The following SPMIP2 variants were observed in gnomAD, a reference collection of about 807,000 sequenced individuals.
SPMIP2 encodes the protein protein SPMIP2.
chr4:158,936,266 A>T, the SPMIP2 span, among the ~76,000 whole-genome samples: 1 of 152,226 alleles, frequency 6.6e-6, no homozygotes, highest in African/African-American at 2.4e-5. Flanking sequence ...AGTTCCAGGG[A>T]GTCAGTCTAG....
chr4:158,913,759 G>A, the SPMIP2 span, among the ~76,000 whole-genome samples: 2 of 151,806 alleles, frequency 1.3e-5, no homozygotes, highest in Admixed American at 6.6e-5. Flanking sequence ...TTTGAACCCA[G>A]GAGTTCAAGG....
chr4:158,968,123 G>A, the SPMIP2 span, among the ~76,000 whole-genome samples: 5 of 152,092 alleles, frequency 3.3e-5, no homozygotes, highest in African/African-American at 9.7e-5. Flanking sequence ...TCCACTTCCC[G>A]GGTTCAAGCA....
the SPMIP2 span, among the ~76,000 whole-genome samples, chr4:158,974,824 A>C: frequency 6.6e-6 from 1 of 152,324 alleles, no homozygotes; most frequent in African/African-American, 2.4e-5. Context: ...GTATATACCC[A>C]GTAATGGAAT....
the SPMIP2 span, among the ~76,000 whole-genome samples, chr4:159,031,435 A>C: frequency 6.6e-6 from 1 of 152,276 alleles, no homozygotes; most frequent in Non-Finnish European, 1.5e-5. Flanking sequence ...CAGTTTCTGC[A>C]ACAAGTAAAT....
At chr4:159,017,448 A>AT in the SPMIP2 span, among the ~76,000 whole-genome samples, 348 of 149,340 alleles carry the variant, frequency 2.3e-3, 2 homozygotes, top group African/African-American at 8.0e-3. Context: ...TCCTCCAACA[A>AT]TTTTTTTTTT....
chr4:158,931,763 A>C, the SPMIP2 span, among the ~76,000 whole-genome samples: 1 of 151,998 alleles, frequency 6.6e-6, no homozygotes, highest in Non-Finnish European at 1.5e-5. Context: ...GGGTTTCACC[A>C]TGTTGGCCAG....
At chr4:158,928,207 G>T in the SPMIP2 span, among the ~76,000 whole-genome samples, 2 of 152,200 alleles carry the variant, frequency 1.3e-5, no homozygotes, top group Non-Finnish European at 2.9e-5. Flanking sequence ...GTCTAGCTCA[G>T]GGATTGTAAA....
chr4:159,061,403 C>T, the SPMIP2 span, among the ~76,000 whole-genome samples: 1 of 151,974 alleles, frequency 6.6e-6, no homozygotes, highest in Non-Finnish European at 1.5e-5. Flanking sequence ...ACTGTTGGCC[C>T]TTCACTGTAT....
the SPMIP2 span, among the ~76,000 whole-genome samples, chr4:158,947,420 G>A: frequency 6.6e-6 from 1 of 152,070 alleles, no homozygotes; most frequent in Non-Finnish European, 1.5e-5. Flanking sequence ...CAAAATACAG[G>A]CACACCTTAC....
chr4:158,896,021 A>G, the SPMIP2 span, among the ~76,000 whole-genome samples: 10 of 152,290 alleles, frequency 6.6e-5, no homozygotes, highest in South Asian at 6.2e-4. Context: ...CAACTCCCCA[A>G]TGAACAGCAT....
At chr4:158,900,240 C>T in the SPMIP2 span, among the ~76,000 whole-genome samples, 8 of 151,994 alleles carry the variant, frequency 5.3e-5, no homozygotes, top group East Asian at 9.6e-4. Context: ...TTGCATTTGC[C>T]GAGGAGTGTT....
the SPMIP2 span, chr4:158,895,724 C>T: frequency 1.1e-5 from 15 of 1,425,070 alleles, no homozygotes; most frequent in East Asian, 2.3e-5. Context: ...TTCTAGCCCT[C>T]ATTGTGAATG....
chr4:159,002,801 G>A, the SPMIP2 span, among the ~76,000 whole-genome samples: 6 of 144,704 alleles, frequency 4.1e-5, no homozygotes, highest in Non-Finnish European at 3.1e-5. Flanking sequence ...CACACGCAGT[G>A]TTGTTAACTG....
the SPMIP2 span, among the ~76,000 whole-genome samples, chr4:158,912,156 A>G: frequency 1.3e-5 from 2 of 152,364 alleles, no homozygotes; most frequent in Admixed American, 6.5e-5. Flanking sequence ...TGATTTAAAA[A>G]GAGAGATTAG....
the SPMIP2 span, among the ~76,000 whole-genome samples, chr4:158,919,105 C>A: frequency 6.6e-6 from 1 of 152,106 alleles, no homozygotes; most frequent in Admixed American, 6.6e-5. Context: ...TATCTATCAT[C>A]CCCCCAAGTG....
the SPMIP2 span, among the ~76,000 whole-genome samples, chr4:159,080,203 A>C: frequency 2.6e-3 from 291 of 113,844 alleles, no homozygotes; most frequent in South Asian, 6.8e-3. Context: ...CACAACAAAG[A>C]CTTTATTTAT....
the SPMIP2 span, among the ~76,000 whole-genome samples, chr4:159,020,077 GC>G: frequency 6.6e-6 from 1 of 151,544 alleles, no homozygotes; most frequent in Middle Eastern, 3.4e-3. Flanking sequence ...CCGAGATTGT[GC>G]CACTGCACTC....
At chr4:158,950,022 T>C in the SPMIP2 span, among the ~76,000 whole-genome samples, 3 of 152,190 alleles carry the variant, frequency 2.0e-5, no homozygotes, top group Admixed American at 6.5e-5. Flanking sequence ...TGTCCTTACC[T>C]TGGGATTTGC....
the SPMIP2 span, among the ~76,000 whole-genome samples, chr4:159,040,098 T>C: frequency 2.0e-5 from 3 of 152,188 alleles, no homozygotes; most frequent in Non-Finnish European, 4.4e-5. Flanking sequence ...CTTATACTTT[T>C]AAGCACTATA....
Sources: allele counts gnomAD v4.1 joint callset (sites outside exome capture counted in the v4.1 genomes callset), GRCh38; gene constraint gnomAD v4.1.1; transcripts MANE v1.5; gene names NCBI Gene and HGNC (gene_info 2026-07-23, HGNC 2026-07-21).